Variants in SLC8A3 observed in about 807,000 individuals in gnomAD.
SLC8A3 encodes the protein sodium/calcium exchanger 3.
Under a neutral mutation model 65.4 loss-of-function variants are expected in SLC8A3, and 37 were observed. That is an observed-to-expected ratio of 0.57 (90% confidence interval 0.44 to 0.74). SLC8A3 has a LOEUF of 0.74. SLC8A3 is among the 30% of genes least tolerant of loss of function. SLC8A3 has a pLI of 0.00. For missense variants in SLC8A3, 1,112 were observed against 1,172.1 expected (o/e 0.95, Z 0.75); for synonymous variants, 461 against 444.5 (o/e 1.04, Z -0.47).
At chr14:70,094,692 C>A (rs896311684) in intron 2 of SLC8A3, among the ~76,000 whole-genome samples, 3 of 152,158 alleles carry the variant, frequency 2.0e-5, no homozygotes, top group Admixed American at 6.5e-5. Flanking sequence ...GACAGAATGT[C>A]CCCCCTGCTG....
At chr14:70,109,359 C>T (rs1015900407) in intron 2 of SLC8A3, among the ~76,000 whole-genome samples, 1 of 149,058 alleles carries the variant, frequency 6.7e-6, no homozygotes, top group African/African-American at 2.5e-5. Context: ...TAAAGTCACT[C>T]ATCATTTGCT....
chr14:70,094,848 G>C (rs1490466221), intron 2 of SLC8A3, among the ~76,000 whole-genome samples: 3 of 152,214 alleles, frequency 2.0e-5, no homozygotes, highest in African/African-American at 7.2e-5. Flanking sequence ...TCTTTTATCT[G>C]TTTTTCCTCA....
chr14:70,137,627 A>G (rs11848027), intron 2 of SLC8A3, among the ~76,000 whole-genome samples: 5,138 of 152,234 alleles, frequency 0.034, 302 homozygotes, highest in African/African-American at 0.12. Flanking sequence ...CCTGCCTCTG[A>G]GAACACAACG....
At chr14:70,105,048 G>A (rs1439060734) in intron 2 of SLC8A3, among the ~76,000 whole-genome samples, 4 of 152,134 alleles carry the variant, frequency 2.6e-5, no homozygotes, top group Non-Finnish European at 4.4e-5. Flanking sequence ...GGTAAACCTC[G>A]GCCAGGCGCG....
rs1371074685 is a variant in SLC8A3, at chr14:70,045,584, G to A, written c.*363C>T. The A allele has an allele frequency of 5.5e-6, 1 of 183,346 alleles. No homozygotes were observed. Among genetic ancestry groups the A allele is most frequent in the Non-Finnish European group, 1.1e-5 (1 of 87,736 alleles). 11.4% of individuals were successfully genotyped at this position (183,346 alleles called of 1,614,324 possible). ...GAATTGGGCAGAGAGGAGAAACCCT[G>A]CTTCCAAAGAAATGAGAGGCAAAGG... On this transcript the variant is annotated 3_prime_UTR_variant, in exon 7 of 7. Transcript: ENST00000356921.
Position 70,067,865 on chromosome 14 carries a change from C to T in SLC8A3, c.1785-6926G>A, listed in dbSNP as rs535725987. ...GCCCCCCATTTCCAGTTCTTCTTCC[C>T]GCACAGTGGCAGTTACTTAATGGTC... On this transcript the variant is annotated intron_variant, in intron 2 of 6. Coordinates refer to ENST00000356921, the MANE Select transcript of SLC8A3 (RefSeq NM_182932.3). 4.6e-5 allele frequency among the ~76,000 whole-genome samples: 7 copies of T among 152,292 alleles called. No individual in the cohort carries two copies. In the East Asian group the frequency reaches 7.7e-4, roughly 17 times the overall value.
intron 1 of SLC8A3, among the ~76,000 whole-genome samples, chr14:70,175,484 G>A (rs1897845646): frequency 6.6e-6 from 1 of 152,126 alleles, no homozygotes; most frequent in East Asian, 1.9e-4. Context: ...AGTAGGCTAG[G>A]GATCAAGATC....
At chr14:70,124,447 C>A (rs1894301378) in intron 2 of SLC8A3, among the ~76,000 whole-genome samples, 3 of 152,254 alleles carry the variant, frequency 2.0e-5, no homozygotes, top group Admixed American at 2.0e-4. Context: ...CCTTTCCCTC[C>A]ATTCCCACTA....
At chr14:70,098,342 C>G (rs957045591) in intron 2 of SLC8A3, among the ~76,000 whole-genome samples, 1 of 152,090 alleles carries the variant, frequency 6.6e-6, no homozygotes, top group African/African-American at 2.4e-5. Flanking sequence ...TCACCTCCCC[C>G]TTTCCCCAAT....
At chr14:70,068,194 G>T (rs944077869) in intron 2 of SLC8A3, among the ~76,000 whole-genome samples, 3 of 152,174 alleles carry the variant, frequency 2.0e-5, no homozygotes, top group Non-Finnish European at 4.4e-5. Flanking sequence ...AAGGGGAAGG[G>T]TTCTCTTTAG....
At position 70,186,902 on chromosome 14, in the gene SLC8A3, C is replaced by T. The variant is rs545402367; in HGVS notation, c.-63+1477G>A. Among the ~76,000 whole-genome samples the T allele has an allele frequency of 3.9e-5, 6 of 152,324 alleles. No homozygotes were observed. The East Asian group carries it at 1.2e-3, about 29-fold the overall frequency. ...CTATTTCAGGAAGAGCATGGCGCAG[C>T]AGCTATATTTGAAAATCGAGGTAAA... is the stretch of plus-strand genomic sequence containing the variant. On this transcript the variant is annotated intron_variant, in intron 1 of 6. Transcript: ENST00000356921.
intron 2 of SLC8A3, among the ~76,000 whole-genome samples, chr14:70,097,911 C>T (rs780067200): frequency 1.3e-4 from 20 of 152,094 alleles, no homozygotes; most frequent in Non-Finnish European, 2.2e-4. Flanking sequence ...GGTAGGTGTG[C>T]TTTCTCTGAC....
intron 2 of SLC8A3, among the ~76,000 whole-genome samples, chr14:70,143,056 C>A (rs904635898): frequency 6.6e-6 from 1 of 152,188 alleles, no homozygotes; most frequent in Admixed American, 6.5e-5. Flanking sequence ...TGTGGGGGCT[C>A]ATTCTTCTCT....
chr14:70,135,936 G>A (rs905850075), intron 2 of SLC8A3, among the ~76,000 whole-genome samples: 8 of 152,074 alleles, frequency 5.3e-5, no homozygotes, highest in Non-Finnish European at 1.0e-4. Context: ...AAATGTTTGA[G>A]GTGATGGATA....
intron 2 of SLC8A3, among the ~76,000 whole-genome samples, chr14:70,144,940 A>G (rs1273653786): frequency 1.3e-5 from 2 of 152,172 alleles, no homozygotes; most frequent in South Asian, 2.1e-4. Context: ...ACACACTGTA[A>G]GCTCTTGAAG....
At chr14:70,113,573 T>C (rs1472069226) in intron 2 of SLC8A3, among the ~76,000 whole-genome samples, 1 of 152,204 alleles carries the variant, frequency 6.6e-6, no homozygotes, top group East Asian at 1.9e-4. Flanking sequence ...CTTCTTTTAT[T>C]TATAAAGTCA....
intron 1 of SLC8A3, among the ~76,000 whole-genome samples, chr14:70,175,403 G>C (rs114545614): frequency 1.3e-5 from 2 of 152,166 alleles, no homozygotes; most frequent in Non-Finnish European, 2.9e-5. Context: ...GCAAAGAGGG[G>C]CTATGAAACT....
At position 70,055,773 on chromosome 14, in the gene SLC8A3, G is replaced by C. The variant is rs779419750; in HGVS notation, c.1889-3659C>G. On this transcript the variant is annotated intron_variant, in intron 3 of 6. Transcript: ENST00000356921. The stretch of plus-strand genomic sequence containing the variant: ...GCACTGGCAAGAAGTGGAAAGAAAA[G>C]AGGGGGACAAGACACCTCTTACCTG... 14 of 1,600,494 alleles carry C rather than the reference G, an allele frequency of 8.7e-6. No homozygotes were observed. In the South Asian group the frequency reaches 1.6e-4, roughly 18 times the overall value.
chr14:70,147,333 T>C (rs1011223372), intron 2 of SLC8A3, among the ~76,000 whole-genome samples: 1 of 152,186 alleles, frequency 6.6e-6, no homozygotes, highest in East Asian at 1.9e-4. Context: ...GTAAGGAAAT[T>C]GAACCTTCAA....
Sources: allele counts gnomAD v4.1 joint callset (sites outside exome capture counted in the v4.1 genomes callset), GRCh38; gene constraint gnomAD v4.1.1; transcripts MANE v1.5; gene names NCBI Gene and HGNC (gene_info 2026-07-23, HGNC 2026-07-21).